P3H2: variants seen among roughly 807,000 people sequenced by gnomAD.
P3H2 encodes the protein leprecan-like 1.
Under a neutral mutation model 87.0 loss-of-function variants are expected in P3H2, and 80 were observed. The observed-to-expected ratio is 0.92, with a 90% CI of 0.77 to 1.11. P3H2 has a LOEUF of 1.11. P3H2 is among the 50% of genes least tolerant of loss of function. The pLI, the probability that P3H2 is intolerant of heterozygous loss-of-function variation, is 0.00. For synonymous variants in P3H2, 367 were observed against 359.3 expected, an observed-to-expected ratio of 1.02 and a Z score of -0.24; for missense variants, 1,001 against 923.9, an observed-to-expected ratio of 1.08 and a Z score of -1.08.
intron 1 of P3H2, among the ~76,000 whole-genome samples, chr3:190,032,524 G>C (rs1725285447): frequency 1.3e-5 from 2 of 152,162 alleles, no homozygotes; most frequent in South Asian, 4.1e-4. Flanking sequence ...AAGGAGAGGA[G>C]AAGAGGAAAT....
chr3:190,094,816 G>A (rs1727519528), intron 1 of P3H2, among the ~76,000 whole-genome samples: 1 of 152,182 alleles, frequency 6.6e-6, no homozygotes, highest in East Asian at 1.9e-4. Flanking sequence ...TTCACTAGAA[G>A]ACAAAAGAAA....
chr3:190,102,389 G>C lies in P3H2; in HGVS notation c.480+17863C>G, dbSNP rs180783172. On this transcript the variant is annotated intron_variant, in intron 1 of 14. Coordinates refer to ENST00000319332, the MANE Select transcript of P3H2 (RefSeq NM_018192.4). ...TAGCATTCGTGATTCATAAGGAGAA[G>C]GTCAAAATTTCAACATTAACAGAAG... Among the ~76,000 whole-genome samples, 352 of 152,242 alleles carry C rather than the reference G, an allele frequency of 2.3e-3. 1 individual carries two copies. The highest frequency in any genetic ancestry group is 7.9e-3 in the African/African-American group (327 of 41,532).
intron 1 of P3H2, among the ~76,000 whole-genome samples, chr3:190,051,031 C>T (rs1725965339): frequency 6.6e-6 from 1 of 152,196 alleles, no homozygotes; most frequent in African/African-American, 2.4e-5. Context: ...AATCTGCGAA[C>T]TGAAGCAGAC....
chr3:190,023,773 A>AT (rs1198780913), intron 1 of P3H2, among the ~76,000 whole-genome samples: 1 of 152,222 alleles, frequency 6.6e-6, no homozygotes. Context: ...AGCCCAAAAG[A>AT]TTAAGTCCAT....
At position 189,973,034 on chromosome 3, in the gene P3H2, A is replaced by T; in HGVS notation, c.1549-10T>A. 2 of 1,603,180 alleles carry T rather than the reference A, an allele frequency of 1.2e-6. No homozygotes were observed. The highest frequency in any genetic ancestry group is 1.7e-6 in the Non-Finnish European group (2 of 1,175,786). On this transcript the variant is annotated splice_polypyrimidine_tract_variant and intron_variant, in intron 10 of 14. Transcript: ENST00000319332. Reference sequence around the variant, plus strand: ...GACCTTCATAACCAGACTGAAAAAAAAAAACAAAACATGAGAAACAAATGG... The same window carrying T: ...GACCTTCATAACCAGACTGAAAAAATAAAACAAAACATGAGAAACAAATGG...
At chr3:189,977,957 A>C (rs1723404122) in intron 8 of P3H2, among the ~76,000 whole-genome samples, 1 of 152,144 alleles carries the variant, frequency 6.6e-6, no homozygotes, top group Non-Finnish European at 1.5e-5. Flanking sequence ...ATAGAACGCA[A>C]TTTGGAAAAG....
At chr3:190,065,631 A>G (rs1726471745) in intron 1 of P3H2, among the ~76,000 whole-genome samples, 1 of 152,104 alleles carries the variant, frequency 6.6e-6, no homozygotes, top group African/African-American at 2.4e-5. Flanking sequence ...ACAGGATTCA[A>G]AAAAATATTG....
intron 1 of P3H2, among the ~76,000 whole-genome samples, chr3:190,052,319 C>T (rs908708624): frequency 6.6e-6 from 1 of 152,102 alleles, no homozygotes. Context: ...TCAGCTCCCA[C>T]TTATGAGTGA....
chr3:190,024,530 C>CAAAAAAAAAAAAA (rs71635314), intron 1 of P3H2, among the ~76,000 whole-genome samples: 3 of 52,930 alleles, frequency 5.7e-5, no homozygotes, highest in Non-Finnish European at 1.1e-4. Context: ...GGTTCCCTCT[C>CAAAAAAAAAAAAA]AAAAAAAAAA....
intron 13 of P3H2, among the ~76,000 whole-genome samples, chr3:189,966,102 GAAAAA>G (rs774742349): frequency 9.4e-6 from 1 of 106,290 alleles, no homozygotes; most frequent in African/African-American, 4.8e-5. Flanking sequence ...AAGAAAGAAA[GAAAAA>G]AGAAAGAAAG....
In P3H2 at chr3:189,986,607, A is replaced by T. The variant is rs41268629; in HGVS notation, c.1188+181T>A. 2.5e-3 allele frequency among the ~76,000 whole-genome samples: 383 copies of T among 152,264 alleles called. 2 individuals are homozygous for T. Among genetic ancestry groups the T allele is most frequent in the South Asian group, 0.021 (100 of 4,814 alleles). ...TCCATCTCAAAATAAATAAATAAATAAATAGATAAAGTTCATCACATATAT... is the reference window on the plus strand; with the variant it reads ...TCCATCTCAAAATAAATAAATAAATTAATAGATAAAGTTCATCACATATAT... On this transcript the variant is annotated intron_variant, in intron 6 of 14. Coordinates refer to ENST00000319332, the MANE Select transcript of P3H2 (RefSeq NM_018192.4).
chr3:190,109,235 C>T (rs1050478185), intron 1 of P3H2, among the ~76,000 whole-genome samples: 2 of 152,152 alleles, frequency 1.3e-5, no homozygotes, highest in African/African-American at 4.8e-5. Context: ...TTCATTATCT[C>T]GTCATCCTTC....
At chr3:190,076,198 T>C (rs1364219567) in intron 1 of P3H2, among the ~76,000 whole-genome samples, 7 of 149,448 alleles carry the variant, frequency 4.7e-5, no homozygotes, top group African/African-American at 1.7e-4. Flanking sequence ...CACACACACA[T>C]ACACACACAC....
chr3:190,089,605 T>C (rs978504930), intron 1 of P3H2, among the ~76,000 whole-genome samples: 19 of 152,326 alleles, frequency 1.2e-4, no homozygotes, highest in African/African-American at 4.3e-4. Flanking sequence ...ACCTTATGCC[T>C]CATTCTCCAC....
intron 13 of P3H2, among the ~76,000 whole-genome samples, chr3:189,970,117 G>T (rs1282657363): frequency 1.4e-5 from 2 of 144,070 alleles, no homozygotes; most frequent in East Asian, 4.1e-4. Context: ...GTGTGTGTGT[G>T]TGTATCAATT....
chr3:190,105,028 A>C (rs1440571236), intron 1 of P3H2, among the ~76,000 whole-genome samples: 1 of 152,230 alleles, frequency 6.6e-6, no homozygotes, highest in Non-Finnish European at 1.5e-5. Flanking sequence ...TTCAATGAAA[A>C]AGACTTTAAT....
intron 1 of P3H2, among the ~76,000 whole-genome samples, chr3:190,014,417 T>C (rs1200146282): frequency 2.0e-5 from 3 of 152,198 alleles, no homozygotes; most frequent in Non-Finnish European, 4.4e-5. Flanking sequence ...AGGATCAACC[T>C]TGACAGATGG....
At chr3:190,110,727 A>C (rs1021509408) in intron 1 of P3H2, among the ~76,000 whole-genome samples, 110 of 152,310 alleles carry the variant, frequency 7.2e-4, no homozygotes, top group Non-Finnish European at 5.9e-5. Flanking sequence ...ATTATGTGTC[A>C]ATTTCTCTGT....
chr3:190,116,840 G>T (rs550229092), intron 1 of P3H2, among the ~76,000 whole-genome samples: 1 of 152,278 alleles, frequency 6.6e-6, no homozygotes, highest in African/African-American at 2.4e-5. Flanking sequence ...AAAAAGTATG[G>T]CTAGGAGCCA....
Sources: allele counts gnomAD v4.1 joint callset (sites outside exome capture counted in the v4.1 genomes callset), GRCh38; gene constraint gnomAD v4.1.1; transcripts MANE v1.5; gene names NCBI Gene and HGNC (gene_info 2026-07-23, HGNC 2026-07-21).